FBXO21: variants seen among roughly 807,000 people sequenced by gnomAD.
FBXO21 encodes F-box protein 21.
In FBXO21, 32 loss-of-function variants were observed where a neutral mutation model predicts 76.6. The ratio of observed to expected loss-of-function variants is 0.42; its 90% CI spans 0.32 to 0.56. The LOEUF (loss-of-function observed/expected upper bound fraction) is 0.56, where lower values mean the gene tolerates loss of function less well. FBXO21 is among the 20% of genes least tolerant of loss of function. The pLI is 0.16. For missense variants in FBXO21, 586 were observed against 797.3 expected (o/e 0.73, Z 3.19); for synonymous variants, 328 against 311.5 (o/e 1.05, Z -0.56).
chr12:117,184,457 T>C (rs759577458), intron 3 of FBXO21, among the ~76,000 whole-genome samples: 7 of 152,146 alleles, frequency 4.6e-5, no homozygotes, highest in African/African-American at 1.7e-4. Flanking sequence ...TGTCCATCTA[T>C]AGGAAAATTA....
chr12:117,175,248 T>C (rs1956161691), intron 4 of FBXO21, among the ~76,000 whole-genome samples: 1 of 152,036 alleles, frequency 6.6e-6, no homozygotes, highest in South Asian at 2.1e-4. Flanking sequence ...CCATGACAGA[T>C]GTGCCATTTC....
intron 1 of FBXO21, among the ~76,000 whole-genome samples, chr12:117,189,967 G>T (rs1235454580): frequency 6.6e-6 from 1 of 152,268 alleles, no homozygotes; most frequent in South Asian, 2.1e-4. Context: ...CCGCGCCGCC[G>T]CCAGCGTCAC....
At chr12:117,164,435 C>T (rs1956026940) in intron 9 of FBXO21, among the ~76,000 whole-genome samples, 1 of 152,050 alleles carries the variant, frequency 6.6e-6, no homozygotes, top group African/African-American at 2.4e-5. Flanking sequence ...CACCACCACG[C>T]CCAGCTAATT....
intron 11 of FBXO21, chr12:117,154,441 A>G (rs972558153): frequency 6.6e-6 from 1 of 152,290 alleles, no homozygotes; most frequent in African/African-American, 2.4e-5. Flanking sequence ...ACTGGAGTGC[A>G]GCAACACAAT....
chr12:117,149,883 A>G (rs1225452389), intron 11 of FBXO21, among the ~76,000 whole-genome samples: 1 of 152,172 alleles, frequency 6.6e-6, no homozygotes, highest in Non-Finnish European at 1.5e-5. Context: ...CAGCTACTAC[A>G]CAGAATTCTG....
At chr12:117,163,361 C>T (rs1442763957) in intron 9 of FBXO21, among the ~76,000 whole-genome samples, 2 of 151,578 alleles carry the variant, frequency 1.3e-5, no homozygotes, top group African/African-American at 4.8e-5. Context: ...GGTGAAACCC[C>T]ATTTCTACTA....
At position 117,176,150 on chromosome 12, in the gene FBXO21, G is replaced by A. The variant is rs144223383; in HGVS notation, c.593-1353C>T. On this transcript the variant is annotated intron_variant, in intron 4 of 11. Transcript: ENST00000622495. ...GATCCTAACACAAGGACCACAACAC[G>A]GGAAGCTTAGGGACTAGTTACAGAA... is the stretch of plus-strand genomic sequence containing the variant. Among the ~76,000 whole-genome samples, 375 of 152,258 alleles carry A rather than the reference G, an allele frequency of 2.5e-3. 2 individuals are homozygous for A. The highest frequency in any genetic ancestry group is 8.2e-3 in the African/African-American group (340 of 41,550).
At chr12:117,189,406 G>A (rs1279161391) in intron 1 of FBXO21, 44 bp from the exon 2 acceptor site, 1 of 1,611,310 alleles carries the variant, frequency 6.2e-7, no homozygotes, top group Non-Finnish European at 8.5e-7. Context: ...GAAACTCAAA[G>A]GCAGGCGGCC....
At chr12:117,186,442 A>T in intron 3 of FBXO21, 35 bp downstream of exon 3, 1 of 1,408,078 alleles carries the variant, frequency 7.1e-7, no homozygotes, top group Non-Finnish European at 1.0e-6. Context: ...TGGACTTATT[A>T]AAGCAAACAA....
intron 11 of FBXO21, among the ~76,000 whole-genome samples, chr12:117,151,901 A>T (rs1223406245): frequency 6.6e-6 from 1 of 152,228 alleles, no homozygotes; most frequent in African/African-American, 2.4e-5. Context: ...GTTCAAGGTC[A>T]CTGGGGAACA....
At chr12:117,156,718 T>A (rs1323879803) in intron 10 of FBXO21, among the ~76,000 whole-genome samples, 2 of 152,168 alleles carry the variant, frequency 1.3e-5, no homozygotes, top group African/African-American at 4.8e-5. Context: ...CTTTCTCTCT[T>A]ATAAATCTTT....
chr12:117,177,071 C>T (rs1293624865), intron 4 of FBXO21, among the ~76,000 whole-genome samples: 1 of 152,204 alleles, frequency 6.6e-6, no homozygotes, highest in African/African-American at 2.4e-5. Flanking sequence ...TCTTCCTTCT[C>T]ACCTTTCATT....
In FBXO21 at chr12:117,144,522, C is replaced by G. The variant is rs1189426276; in HGVS notation, c.*1565G>C. The G allele has an allele frequency of 6.6e-6, 1 of 152,060 alleles. No individual in the cohort carries two copies. The highest frequency in any genetic ancestry group is 1.5e-5 in the Non-Finnish European group (1 of 68,030). 9.4% of individuals were successfully genotyped at this position (152,060 alleles called of 1,614,324 possible). Reference sequence around the variant, plus strand: ...AGGTGGCTTTCCAAACCTTGGTCACCCCAGGGTTTCCAAAGGGTAAACAAG... The same window carrying G: ...AGGTGGCTTTCCAAACCTTGGTCACGCCAGGGTTTCCAAAGGGTAAACAAG... On this transcript the variant is annotated 3_prime_UTR_variant, in exon 12 of 12. Transcript: ENST00000622495.
chr12:117,144,741 C>T lies in FBXO21; in HGVS notation c.*1346G>A, dbSNP rs1229414239. Reference sequence around the variant, plus strand: ...TTAGCTCGCTTGAGAACTGGCAGGCCGAGAGTTGGTGGAGCTCCAGAGCTG... The same window carrying T: ...TTAGCTCGCTTGAGAACTGGCAGGCTGAGAGTTGGTGGAGCTCCAGAGCTG... On this transcript the variant is annotated 3_prime_UTR_variant, in exon 12 of 12. Transcript: ENST00000622495. The T allele has an allele frequency of 1.3e-5, 2 of 152,136 alleles. No individual in the cohort carries two copies. Among genetic ancestry groups the T allele is most frequent in the African/African-American group, 2.4e-5 (1 of 41,422 alleles). 9.4% of individuals were successfully genotyped at this position (152,136 alleles called of 1,614,324 possible). A position where few individuals can be genotyped will look rare whatever the true frequency, so the allele number is the denominator to read the frequency against.
At chr12:117,154,381 A>C (rs1263061333) in intron 11 of FBXO21, 1 of 152,142 alleles carries the variant, frequency 6.6e-6, no homozygotes, top group Non-Finnish European at 1.5e-5. Context: ...GACAATAATC[A>C]TTATTTTCCA....
At chr12:117,165,671 C>A in intron 8 of FBXO21, 54 bp from the exon 9 acceptor site, 2 of 1,500,096 alleles carry the variant, frequency 1.3e-6, no homozygotes, top group South Asian at 1.4e-5. Context: ...TCAGCAAAGA[C>A]TCTCTTTTTC....
intron 9 of FBXO21, among the ~76,000 whole-genome samples, chr12:117,159,238 T>C (rs920193941): frequency 3.3e-5 from 5 of 152,128 alleles, no homozygotes; most frequent in Non-Finnish European, 7.4e-5. Flanking sequence ...TCCATCAGGT[T>C]TTTTGTTTCA....
At chr12:117,153,344 G>C (rs1238815103) in intron 11 of FBXO21, among the ~76,000 whole-genome samples, 1 of 152,146 alleles carries the variant, frequency 6.6e-6, no homozygotes, top group Non-Finnish European at 1.5e-5. Flanking sequence ...AGGAGCAAGG[G>C]GGGTATGGGG....
At chr12:117,186,942 C>G (rs969183090) in intron 2 of FBXO21, among the ~76,000 whole-genome samples, 1 of 152,178 alleles carries the variant, frequency 6.6e-6, no homozygotes, top group Non-Finnish European at 1.5e-5. Context: ...GCCTGATCAA[C>G]GTGGTGAAAC....
Sources: gnomAD v4.1 joint callset for allele counts (sites outside exome capture counted in the v4.1 genomes callset) on GRCh38, gnomAD v4.1.1 for gene constraint, MANE v1.5 for transcripts, NCBI Gene and HGNC (gene_info 2026-07-23, HGNC 2026-07-21) for gene names.